The following RBFOX1 variants were observed in gnomAD, a reference collection of about 807,000 sequenced individuals.
The protein encoded by RBFOX1 is RNA binding protein fox-1 homolog 1.
RBFOX1 carries 8 observed loss-of-function variants against 57.7 expected under a neutral mutation model. That is an observed-to-expected ratio of 0.14 (90% CI 0.08 to 0.25). The LOEUF (loss-of-function observed/expected upper bound fraction) is 0.25, where lower values mean the gene tolerates loss of function less well. Among genes scored for constraint, RBFOX1 ranks in the 10% least tolerant of loss-of-function variants. The pLI, the probability that RBFOX1 is intolerant of heterozygous loss-of-function variation, is 1.00. For synonymous variants in RBFOX1, 326 were observed against 222.4 expected (o/e 1.47, Z -4.15); for missense variants, 611 against 548.5 (o/e 1.11, Z -1.14).
intron 3 of RBFOX1, among the ~76,000 whole-genome samples, chr16:6,664,968 C>T (rs1330691915): frequency 6.6e-6 from 1 of 152,166 alleles, no homozygotes; most frequent in Non-Finnish European, 1.5e-5. Flanking sequence ...GCATCCCATG[C>T]ACTGTTCTTG....
At chr16:7,162,435 A>G (rs1359022370) in intron 4 of RBFOX1, among the ~76,000 whole-genome samples, 2 of 152,082 alleles carry the variant, frequency 1.3e-5, no homozygotes, top group Non-Finnish European at 2.9e-5. Context: ...AAAAATGATA[A>G]AAGAATCTAG....
At chr16:5,895,123 A>G (rs1003785179) in intron 4 of RBFOX1, among the ~76,000 whole-genome samples, 7 of 152,234 alleles carry the variant, frequency 4.6e-5, no homozygotes, top group Admixed American at 3.9e-4. Flanking sequence ...GGGTATTTTT[A>G]TAATAGAAAA....
chr16:6,311,388 G>T (rs1454241963), intron 1 of RBFOX1, among the ~76,000 whole-genome samples: 2 of 150,722 alleles, frequency 1.3e-5, no homozygotes, highest in Non-Finnish European at 3.0e-5. Flanking sequence ...GGGAGAAAAT[G>T]AATCTCTCTT....
intron 2 of RBFOX1, among the ~76,000 whole-genome samples, chr16:5,594,223 C>A (rs1281163910): frequency 1.3e-5 from 2 of 151,980 alleles, no homozygotes; most frequent in East Asian, 3.9e-4. Context: ...TATTTTTTTC[C>A]ACCTCCTACA....
intron 3 of RBFOX1, among the ~76,000 whole-genome samples, chr16:5,760,401 C>G (rs1368982169): frequency 1.3e-5 from 2 of 152,110 alleles, no homozygotes; most frequent in African/African-American, 4.8e-5. Context: ...CATACACACA[C>G]ACATACATAT....
chr16:6,646,528 C>T (rs749271197), intron 2 of RBFOX1, among the ~76,000 whole-genome samples: 26 of 151,900 alleles, frequency 1.7e-4, no homozygotes, highest in Admixed American at 1.6e-3. Context: ...TTATTGATTT[C>T]GTTAGTTCGT....
At chr16:5,259,968 A>G (rs527236922) in intron 1 of RBFOX1, among the ~76,000 whole-genome samples, 1 of 152,274 alleles carries the variant, frequency 6.6e-6, no homozygotes, top group Non-Finnish European at 1.5e-5. Flanking sequence ...TGGGAGGCTG[A>G]GGTGGTCAGA....
chr16:7,641,960 G>A (rs1221078832), intron 11 of RBFOX1, among the ~76,000 whole-genome samples: 1 of 152,082 alleles, frequency 6.6e-6, no homozygotes, highest in Non-Finnish European at 1.5e-5. Context: ...ATTTTTTAAA[G>A]TCCACCAAAC....
intron 4 of RBFOX1, among the ~76,000 whole-genome samples, chr16:7,153,194 A>ATT (rs5815379): frequency 2.6e-5 from 4 of 151,034 alleles, no homozygotes; most frequent in African/African-American, 4.8e-5. Flanking sequence ...GGACATAATC[A>ATT]TTTTTTTTTT....
intron 2 of RBFOX1, among the ~76,000 whole-genome samples, chr16:5,564,729 A>T (rs1297246931): frequency 6.6e-6 from 1 of 152,022 alleles, no homozygotes; most frequent in East Asian, 1.9e-4. Context: ...CTTATCTTTG[A>T]ACAGTATTTA....
chr16:7,166,628 C>T (rs1247526074), intron 4 of RBFOX1, among the ~76,000 whole-genome samples: 2 of 152,054 alleles, frequency 1.3e-5, no homozygotes, highest in African/African-American at 2.4e-5. Context: ...GGCCCTCCTT[C>T]GACACCCCTG....
chr16:5,734,474 C>G (rs953640312), intron 3 of RBFOX1, among the ~76,000 whole-genome samples: 3 of 152,144 alleles, frequency 2.0e-5, no homozygotes, highest in East Asian at 3.9e-4. Context: ...TGCTTTCATG[C>G]TTTAATCCCC....
chr16:6,233,654 C>G (rs1255224686), intron 1 of RBFOX1, among the ~76,000 whole-genome samples: 1 of 152,062 alleles, frequency 6.6e-6, no homozygotes, highest in Non-Finnish European at 1.5e-5. Flanking sequence ...TGCCACCCAG[C>G]CTGGAGCACA....
chr16:6,117,147 G>T (rs189178404), intron 1 of RBFOX1, among the ~76,000 whole-genome samples: 1 of 152,224 alleles, frequency 6.6e-6, no homozygotes, highest in Admixed American at 6.5e-5. Context: ...CCATTCTTGG[G>T]TAAGCCAGAC....
chr16:5,454,952 TTCCTTC>T lies in RBFOX1; in HGVS notation c.220-12263_220-12258del, dbSNP rs1567535859. ...CTTCCTTCCTTCCTTCCTTCCTTCCTTCCTTCCTTTCTTTCTTTCTTTCTTTCTTTC... is the reference window on the plus strand; with the variant it reads ...CTTCCTTCCTTCCTTCCTTCCTTCCTCTTTCTTTCTTTCTTTCTTTCTTTC... On this transcript the variant is annotated intron_variant, in intron 1 of 2. Coordinates refer to the RBFOX1 transcript ENST00000585867. Among the ~76,000 whole-genome samples, 570 of 61,228 alleles carry T rather than the reference TTCCTTC, an allele frequency of 9.3e-3. 3 individuals are homozygous for T. Among genetic ancestry groups the T allele is most frequent in the South Asian group, 0.018 (33 of 1,876 alleles). The allele number at this position is 61,228 out of a possible 152,430, so 40.2% of individuals were successfully genotyped here. A position where few individuals can be genotyped will look rare whatever the true frequency, so the allele number is the denominator to read the frequency against.
chr16:6,898,588 C>A (rs1020264564), intron 3 of RBFOX1, among the ~76,000 whole-genome samples: 3 of 151,998 alleles, frequency 2.0e-5, no homozygotes, highest in Non-Finnish European at 1.5e-5. Flanking sequence ...TTCTCATGTC[C>A]GTGGGAGTAA....
At chr16:7,282,785 T>G (rs150982162) in intron 4 of RBFOX1, among the ~76,000 whole-genome samples, 6 of 152,202 alleles carry the variant, frequency 3.9e-5, no homozygotes, top group Non-Finnish European at 8.8e-5. Flanking sequence ...CTTATGCCTT[T>G]GCATTCTCAT....
chr16:6,735,833 G>C (rs74006744), intron 3 of RBFOX1, among the ~76,000 whole-genome samples: 9,530 of 152,228 alleles, frequency 0.063, 953 homozygotes, highest in African/African-American at 0.21. Context: ...AATCCTTGAG[G>C]CGGAGCATTG....
intron 3 of RBFOX1, among the ~76,000 whole-genome samples, chr16:6,692,530 C>T (rs1035845853): frequency 1.3e-5 from 2 of 152,140 alleles, no homozygotes; most frequent in African/African-American, 4.8e-5. Flanking sequence ...CCTCCTGGTT[C>T]CTCTCTGAAT....
Sources: gnomAD v4.1 joint callset for allele counts (sites outside exome capture counted in the v4.1 genomes callset) on GRCh38, gnomAD v4.1.1 for gene constraint, MANE v1.5 for transcripts, NCBI Gene and HGNC (gene_info 2026-07-23, HGNC 2026-07-21) for gene names.